The following CEP350 variants were observed in gnomAD, a reference collection of about 807,000 sequenced individuals.
CEP350 encodes the protein centrosome-associated protein 350.
Under a neutral mutation model 331.8 loss-of-function variants are expected in CEP350, and 126 were observed. The observed-to-expected ratio is 0.38, with a 90% CI of 0.33 to 0.44. The LOEUF (loss-of-function observed/expected upper bound fraction) is 0.44. Among genes scored for constraint, CEP350 ranks in the 20% least tolerant of loss-of-function variants. The probability of loss-of-function intolerance (pLI) is 1.00; values close to 1 mark genes in which losing one functional copy is unlikely to be tolerated. For missense variants in CEP350, 3,406 were observed against 3,634.6 expected, an observed-to-expected ratio of 0.94 and a Z score of 1.62; for synonymous variants, 1,200 against 1,259.5, an observed-to-expected ratio of 0.95 and a Z score of 1.00.
chr1:180,086,419 G>C (rs577163456), intron 31 of CEP350, among the ~76,000 whole-genome samples: 5 of 152,038 alleles, frequency 3.3e-5, no homozygotes, highest in Non-Finnish European at 5.9e-5. Flanking sequence ...ATGTCAGTCA[G>C]AAAAGAGCCC....
chr1:179,999,903 A>G (rs1653746510), intron 6 of CEP350, among the ~76,000 whole-genome samples: 1 of 152,176 alleles, frequency 6.6e-6, no homozygotes. Context: ...TGGTGAACAC[A>G]AATGGTGTTT....
At chr1:180,072,865 T>A (rs1658985588) in intron 27 of CEP350, among the ~76,000 whole-genome samples, 1 of 152,212 alleles carries the variant, frequency 6.6e-6, no homozygotes, top group Non-Finnish European at 1.5e-5. Flanking sequence ...AAATGTTGCC[T>A]TGATCTACAA....
At chr1:180,065,415 A>G in intron 27 of CEP350, 143 bp downstream of exon 27, 1 of 821,302 alleles carries the variant, frequency 1.2e-6, no homozygotes, top group African/African-American at 1.8e-5. Flanking sequence ...TGTTAGATTA[A>G]CCTAGAAGCC....
chr1:180,058,976 A>T (rs1452211233), intron 25 of CEP350, among the ~76,000 whole-genome samples: 1 of 152,244 alleles, frequency 6.6e-6, no homozygotes, highest in Non-Finnish European at 1.5e-5. Flanking sequence ...TTCATAACAC[A>T]TAAAAATAAC....
intron 27 of CEP350, among the ~76,000 whole-genome samples, chr1:180,070,814 T>C (rs1658830929): frequency 6.6e-6 from 1 of 152,222 alleles, no homozygotes; most frequent in Admixed American, 6.5e-5. Flanking sequence ...TGGAGTTGAA[T>C]AGCTGTACAG....
intron 36 of CEP350, among the ~76,000 whole-genome samples, chr1:180,098,082 T>C (rs1205890429): frequency 6.6e-6 from 1 of 152,162 alleles, no homozygotes; most frequent in Non-Finnish European, 1.5e-5. Flanking sequence ...GTGATTCTCC[T>C]GCCTCAGCCT....
intron 9 of CEP350, among the ~76,000 whole-genome samples, chr1:180,012,438 A>T (rs1654721088): frequency 6.6e-6 from 1 of 152,162 alleles, no homozygotes; most frequent in African/African-American, 2.4e-5. Context: ...ACAAGGTTGG[A>T]TTTTTTTTAT....
intron 26 of CEP350, among the ~76,000 whole-genome samples, chr1:180,064,763 ATT>A (rs1397102821): frequency 2.0e-5 from 3 of 151,994 alleles, no homozygotes; most frequent in African/African-American, 7.3e-5. Flanking sequence ...TAATTTTTTT[ATT>A]CCTTTTGAGT....
At chr1:180,089,933 T>TA (rs1322006507) in intron 32 of CEP350, among the ~76,000 whole-genome samples, 1 of 152,142 alleles carries the variant, frequency 6.6e-6, no homozygotes, top group Admixed American at 6.5e-5. Flanking sequence ...TAGGGCATTG[T>TA]AAAAAGGTAG....
chr1:180,030,486 A>G (rs1655956938), intron 14 of CEP350, among the ~76,000 whole-genome samples: 1 of 151,766 alleles, frequency 6.6e-6, no homozygotes, highest in Non-Finnish European at 1.5e-5. Context: ...TAAACATACA[A>G]TCAAGATGAA....
intron 32 of CEP350, among the ~76,000 whole-genome samples, chr1:180,089,678 G>A (rs1055961535): frequency 6.6e-6 from 1 of 152,120 alleles, no homozygotes; most frequent in Non-Finnish European, 1.5e-5. Flanking sequence ...TAGTTGATTG[G>A]GTCAAGGTTT....
chr1:180,057,529 T>A (rs972049816), intron 25 of CEP350, among the ~76,000 whole-genome samples: 3 of 151,036 alleles, frequency 2.0e-5, no homozygotes, highest in South Asian at 2.1e-4. Flanking sequence ...TTTTTTTTTT[T>A]AAACTATCGT....
In CEP350 at chr1:180,065,100, T is replaced by A. The variant is rs1181200020; in HGVS notation, c.5410-15T>A. Reference sequence around the variant, plus strand: ...TATTAAAGTCCAATACAATTTTGCCTCTTTTTGTTTGCAGGACTCTCATAG... The same window carrying A: ...TATTAAAGTCCAATACAATTTTGCCACTTTTTGTTTGCAGGACTCTCATAG... On this transcript the variant is annotated splice_polypyrimidine_tract_variant and intron_variant, in intron 26 of 37. Coordinates refer to ENST00000367607, the MANE Select transcript of CEP350 (RefSeq NM_014810.5). The A allele has an allele frequency of 8.2e-6, 13 of 1,577,304 alleles. No homozygotes were observed. Among genetic ancestry groups the A allele is most frequent in the Non-Finnish European group, 1.1e-5 (13 of 1,167,384 alleles).
intron 36 of CEP350, 77 bp downstream of exon 36, chr1:180,096,261 A>C: frequency 6.9e-7 from 1 of 1,456,952 alleles, no homozygotes; most frequent in South Asian, 1.4e-5. Context: ...TTGTAAAAGC[A>C]GGTGCTCTTC....
At chr1:180,088,115 A>G (rs1659965715) in intron 32 of CEP350, among the ~76,000 whole-genome samples, 1 of 152,114 alleles carries the variant, frequency 6.6e-6, no homozygotes, top group Admixed American at 6.5e-5. Context: ...GAAAATCTCT[A>G]TTTGCATGAA....
intron 16 of CEP350, among the ~76,000 whole-genome samples, chr1:180,035,852 C>CT (rs1193835297): frequency 7.2e-5 from 11 of 152,290 alleles, no homozygotes; most frequent in African/African-American, 2.6e-4. Context: ...GTAATTTCAA[C>CT]TTTTAAGTCT....
At chr1:180,061,843 G>T (rs961890951) in intron 25 of CEP350, among the ~76,000 whole-genome samples, 1 of 152,110 alleles carries the variant, frequency 6.6e-6, no homozygotes, top group Non-Finnish European at 1.5e-5. Context: ...CATTATAGGG[G>T]CCTAAAAGTT....
chr1:180,048,624 A>G lies in CEP350; in HGVS notation c.4711A>G (p.Ser1571Gly). Residue 1571 changes from serine (S) to glycine (G), a missense_variant, in exon 22 of 38, where the codon AGT becomes GGT. Coordinates refer to ENST00000367607, the MANE Select transcript of CEP350 (RefSeq NM_014810.5). ...EKKLNGEKIESSIDEQVQTAA... is the reference protein window; with the variant it reads ...EKKLNGEKIEGSIDEQVQTAA... ...GAAACTTAATGGTGAAAAGATAGAGAGTTCCATTGATGAACAGGTTCAGAC... is the reference window on the plus strand; with the variant it reads ...GAAACTTAATGGTGAAAAGATAGAGGGTTCCATTGATGAACAGGTTCAGAC... 1 of 1,609,398 alleles carries G rather than the reference A, an allele frequency of 6.2e-7. No homozygotes were observed. Among genetic ancestry groups the G allele is most frequent in the Non-Finnish European group, 8.5e-7 (1 of 1,175,746 alleles).
At chr1:179,995,665 T>C (rs1047180884) in intron 5 of CEP350, among the ~76,000 whole-genome samples, 2 of 152,140 alleles carry the variant, frequency 1.3e-5, no homozygotes, top group African/African-American at 4.8e-5. Flanking sequence ...AAAATAAAAA[T>C]AGTCTCTGGA....
Sources: gnomAD v4.1 joint callset for allele counts (sites outside exome capture counted in the v4.1 genomes callset) on GRCh38, gnomAD v4.1.1 for gene constraint, MANE v1.5 for transcripts, NCBI Gene and HGNC (gene_info 2026-07-23, HGNC 2026-07-21) for gene names.